TCEA1: variants seen among roughly 807,000 people sequenced by gnomAD.
TCEA1 encodes the protein transcription elongation factor A protein 1.
In TCEA1, 21 loss-of-function variants were observed where a neutral mutation model predicts 43.8. The ratio of observed to expected loss-of-function variants is 0.48; its 90% CI spans 0.34 to 0.69. The LOEUF is 0.69. TCEA1 is among the 30% of genes least tolerant of loss of function. The pLI is 0.01. For synonymous variants in TCEA1, 104 were observed against 117.5 expected (o/e 0.88, Z 0.75); for missense variants, 250 against 365.1 (o/e 0.68, Z 2.57).
At chr8:53,996,504 C>T (rs1045284684) in intron 3 of TCEA1, among the ~76,000 whole-genome samples, 8 of 152,190 alleles carry the variant, frequency 5.3e-5, no homozygotes, top group African/African-American at 2.4e-5. Flanking sequence ...CAACAATGTG[C>T]TACCTAGTAG....
chr8:53,990,556 C>T (rs1396879536), intron 4 of TCEA1, among the ~76,000 whole-genome samples: 2 of 151,798 alleles, frequency 1.3e-5, no homozygotes, highest in Non-Finnish European at 1.5e-5. Context: ...AGAGACAGGG[C>T]CTCCCTATGT....
intron 8 of TCEA1, chr8:53,972,848 T>C (rs550766409): frequency 1.3e-5 from 9 of 719,880 alleles, no homozygotes; most frequent in South Asian, 1.2e-4. Flanking sequence ...GTAGTTGTTC[T>C]TTCACAGATC....
chr8:53,984,239 TATATC>T, intron 7 of TCEA1, 119 bp downstream of exon 7: 1 of 903,972 alleles, frequency 1.1e-6, no homozygotes. Flanking sequence ...AGTATATAAA[TATATC>T]AGAATAACGG....
chr8:54,019,518 C>T (rs548711682), intron 1 of TCEA1, among the ~76,000 whole-genome samples: 3 of 148,682 alleles, frequency 2.0e-5, no homozygotes, highest in African/African-American at 5.0e-5. Context: ...TGCAGTGAGC[C>T]GAGATTGCAC....
intron 2 of TCEA1, among the ~76,000 whole-genome samples, chr8:54,000,778 A>G (rs1004553256): frequency 4.6e-5 from 5 of 109,460 alleles, no homozygotes; most frequent in Non-Finnish European, 1.6e-5. Flanking sequence ...TTTTTTTTTG[A>G]GACGGACTCT....
Position 54,002,188 on chromosome 8 carries a change from A to C in TCEA1, c.127-2138T>G, listed in dbSNP as rs575981640. Among the ~76,000 whole-genome samples, 20 of 151,772 alleles carry C rather than the reference A, an allele frequency of 1.3e-4. No homozygotes were observed. The East Asian group carries it at 3.9e-3, about 30-fold the overall frequency. The stretch of plus-strand genomic sequence containing the variant: ...AAGACTGTCTCCAAAAAGAAAAAAA[A>C]AGGGCGGGTATGGTGGCTCACGCCT... On this transcript the variant is annotated intron_variant, in intron 2 of 9. Coordinates refer to ENST00000521604, the MANE Select transcript of TCEA1 (RefSeq NM_006756.4).
Position 53,986,730 on chromosome 8 carries a change from G to A in TCEA1, c.523+239C>T, listed in dbSNP as rs1218926863. On this transcript the variant is annotated intron_variant, in intron 6 of 9. Coordinates refer to ENST00000521604, the MANE Select transcript of TCEA1 (RefSeq NM_006756.4). ...GGAAAAAGTCTAGCGTGGTGGTCAA[G>A]GTCATGGGCTTGGAGCCAAATTCCC... Among the ~76,000 whole-genome samples the A allele has an allele frequency of 2.6e-5, 4 of 152,154 alleles. No homozygotes were observed. The East Asian group carries it at 7.7e-4, about 29-fold the overall frequency.
chr8:53,984,588 A>G, intron 6 of TCEA1, 71 bp from the exon 7 acceptor site: 1 of 1,382,664 alleles, frequency 7.2e-7, no homozygotes, highest in Non-Finnish European at 9.6e-7. Flanking sequence ...TTCTGCCAAA[A>G]TAAGAATTCC....
At chr8:53,988,089 G>A (rs202133215) in intron 5 of TCEA1, 25 bp downstream of exon 5, 263 of 1,605,684 alleles carry the variant, frequency 1.6e-4, no homozygotes, top group Non-Finnish European at 4.2e-6. Context: ...CCAAAGGACT[G>A]AGAAATAACA....
At chr8:53,982,597 A>G (rs1803546468) in intron 7 of TCEA1, among the ~76,000 whole-genome samples, 2 of 148,658 alleles carry the variant, frequency 1.3e-5, no homozygotes, top group Non-Finnish European at 1.5e-5. Context: ...GACAACAGTG[A>G]AACTCCATTC....
intron 4 of TCEA1, among the ~76,000 whole-genome samples, chr8:53,992,999 C>G (rs900014740): frequency 1.3e-5 from 2 of 149,332 alleles, no homozygotes; most frequent in East Asian, 1.9e-4. Context: ...ATTGCTCAGG[C>G]TGGAGTGCAG....
chr8:54,013,694 A>C (rs1194570355), intron 1 of TCEA1, among the ~76,000 whole-genome samples: 10 of 147,892 alleles, frequency 6.8e-5, no homozygotes, highest in East Asian at 1.9e-4. Flanking sequence ...AAAAAAAAAA[A>C]AAAAAAAACA....
At chr8:53,969,832 CTTT>C (rs1563457149) in intron 9 of TCEA1, among the ~76,000 whole-genome samples, 1 of 152,072 alleles carries the variant, frequency 6.6e-6, no homozygotes, top group Non-Finnish European at 1.5e-5. Flanking sequence ...AAATTTTATG[CTTT>C]TGTTTCACAA....
chr8:53,999,550 G>T (rs1456299659), intron 3 of TCEA1: 1 of 172,370 alleles, frequency 5.8e-6, no homozygotes, highest in Non-Finnish European at 1.2e-5. Flanking sequence ...GAGAGAATAT[G>T]ATAAAACAAA....
At position 53,996,903 on chromosome 8, in the gene TCEA1, C is replaced by CTTTTTTTTTTTTTTTTTTTTT. The variant is rs754537318; in HGVS notation, c.232+3041_232+3042insAAAAAAAAAAAAAAAAAAAAA. ...AGCTAAGGGGTAAAAAGAAGGTTGT[C>CTTTTTTTTTTTTTTTTTTTTT]TTTTTTTTTTTTTTTAGACAGACTC... On this transcript the variant is annotated intron_variant, in intron 3 of 9. Transcript: ENST00000521604. Among the ~76,000 whole-genome samples the CTTTTTTTTTTTTTTTTTTTTT allele has an allele frequency of 4.7e-4, 55 of 116,578 alleles. 6 individuals are homozygous for CTTTTTTTTTTTTTTTTTTTTT. Among genetic ancestry groups the CTTTTTTTTTTTTTTTTTTTTT allele is most frequent in the African/African-American group, 1.2e-3 (31 of 26,722 alleles). The allele number at this position is 116,578 out of a possible 152,430, so 76.5% of individuals were successfully genotyped here.
chr8:53,973,710 G>T, intron 8 of TCEA1: 3 of 565,458 alleles, frequency 5.3e-6, no homozygotes, highest in South Asian at 4.6e-5. Context: ...ATTAGAGGAT[G>T]ACTTTGAGGT....
intron 7 of TCEA1, among the ~76,000 whole-genome samples, chr8:53,981,440 G>C (rs1254513797): frequency 6.6e-6 from 1 of 152,152 alleles, no homozygotes; most frequent in Non-Finnish European, 1.5e-5. Flanking sequence ...TTACCATTTG[G>C]AAAATCTTAC....
intron 8 of TCEA1, among the ~76,000 whole-genome samples, chr8:53,977,103 A>AG (rs1242738604): frequency 1.1e-4 from 16 of 152,292 alleles, no homozygotes; most frequent in African/African-American, 3.8e-4. Flanking sequence ...GCAGATCACG[A>AG]GGTCAGGAGA....
At chr8:53,984,054 C>T (rs1466939481) in intron 7 of TCEA1, among the ~76,000 whole-genome samples, 2 of 152,098 alleles carry the variant, frequency 1.3e-5, no homozygotes, top group African/African-American at 2.4e-5. Context: ...GGGCCAAGAT[C>T]GTGCCATTGC....
Sources: gnomAD v4.1 joint callset for allele counts (sites outside exome capture counted in the v4.1 genomes callset) on GRCh38, gnomAD v4.1.1 for gene constraint, MANE v1.5 for transcripts, NCBI Gene and HGNC (gene_info 2026-07-23, HGNC 2026-07-21) for gene names.